ADAMTSL1: variants seen among roughly 807,000 people sequenced by gnomAD.
ADAMTSL1 encodes ADAMTS like 1, also known as ADAMTS-like protein 1.
ADAMTSL1 carries 126 observed loss-of-function variants against 201.8 expected under a neutral mutation model. The observed-to-expected ratio is 0.62, with a 90% CI of 0.54 to 0.72. The LOEUF is 0.72. Ranked by LOEUF, ADAMTSL1 falls within the 30% of genes least tolerant of loss-of-function variation. The pLI, the probability that ADAMTSL1 is intolerant of heterozygous loss-of-function variation, is 0.00. For missense variants in ADAMTSL1, 2,679 were observed against 2,277.8 expected (o/e 1.18, Z -3.59); for synonymous variants, 1,121 against 903.4 (o/e 1.24, Z -4.32).
At chr9:18,899,383 T>C (rs1430657448) in intron 26 of ADAMTSL1, among the ~76,000 whole-genome samples, 2 of 152,214 alleles carry the variant, frequency 1.3e-5, no homozygotes, top group Non-Finnish European at 2.9e-5. Context: ...CAAAGGAGTT[T>C]ATAGATTCAA....
chr9:18,542,707 G>C (rs953902828), intron 3 of ADAMTSL1, among the ~76,000 whole-genome samples: 1 of 152,126 alleles, frequency 6.6e-6, no homozygotes, highest in Non-Finnish European at 1.5e-5. Flanking sequence ...CAGTTGTTTA[G>C]CTCACCCAGT....
intron 10 of ADAMTSL1, among the ~76,000 whole-genome samples, chr9:18,677,944 A>C (rs1830219671): frequency 6.6e-6 from 1 of 152,062 alleles, no homozygotes. Flanking sequence ...TTAAGGCTCA[A>C]AAATGGTTCT....
intron 1 of ADAMTSL1, among the ~76,000 whole-genome samples, chr9:18,025,303 G>C (rs764779411): frequency 2.6e-5 from 4 of 152,032 alleles, no homozygotes; most frequent in Non-Finnish European, 4.4e-5. Flanking sequence ...ATTTGCTTTT[G>C]AGGACTTAGT....
chr9:18,196,998 C>T (rs777950654), intron 2 of ADAMTSL1, among the ~76,000 whole-genome samples: 3 of 152,096 alleles, frequency 2.0e-5, no homozygotes, highest in Non-Finnish European at 4.4e-5. Flanking sequence ...GTCTCATGTT[C>T]GTTTCCTTCA....
At chr9:18,901,216 A>T (rs1182570541) in intron 26 of ADAMTSL1, among the ~76,000 whole-genome samples, 3 of 152,174 alleles carry the variant, frequency 2.0e-5, no homozygotes, top group African/African-American at 7.2e-5. Context: ...ATCTGGCAAA[A>T]CTGTCCTTCA....
chr9:17,988,894 T>C (rs1432935921), intron 1 of ADAMTSL1, among the ~76,000 whole-genome samples: 1 of 151,924 alleles, frequency 6.6e-6, no homozygotes, highest in Non-Finnish European at 1.5e-5. Flanking sequence ...TATTGCCCCC[T>C]AAGGAGCTTA....
At chr9:18,110,928 T>C (rs1824979984) in intron 1 of ADAMTSL1, among the ~76,000 whole-genome samples, 1 of 152,178 alleles carries the variant, frequency 6.6e-6, no homozygotes, top group Non-Finnish European at 1.5e-5. Context: ...TCAACTTTGT[T>C]GAACAAACTT....
chr9:18,107,886 C>G (rs1304199714), intron 1 of ADAMTSL1, among the ~76,000 whole-genome samples: 1 of 152,136 alleles, frequency 6.6e-6, no homozygotes, highest in Admixed American at 6.6e-5. Flanking sequence ...CAGCATTGTT[C>G]TTCAGAGCCA....
intron 1 of ADAMTSL1, among the ~76,000 whole-genome samples, chr9:17,934,867 G>T (rs1454064593): frequency 1.7e-4 from 24 of 140,976 alleles, no homozygotes; most frequent in African/African-American, 6.1e-4. Context: ...TATTCTTCTA[G>T]TAATTCTTCC....
intron 2 of ADAMTSL1, among the ~76,000 whole-genome samples, chr9:18,406,079 A>C (rs1012544907): frequency 3.9e-5 from 6 of 152,214 alleles, no homozygotes; most frequent in African/African-American, 1.4e-4. Flanking sequence ...AGTTGAATGC[A>C]GTCCAGTCGT....
intron 23 of ADAMTSL1, among the ~76,000 whole-genome samples, chr9:18,841,566 A>T (rs1289015338): frequency 2.6e-5 from 4 of 152,154 alleles, no homozygotes; most frequent in Non-Finnish European, 4.4e-5. Flanking sequence ...TGAGTTAGGG[A>T]GGATTTCCTC....
chr9:18,848,669 C>T (rs911506570), intron 23 of ADAMTSL1, among the ~76,000 whole-genome samples: 3 of 152,212 alleles, frequency 2.0e-5, no homozygotes, highest in African/African-American at 7.2e-5. Flanking sequence ...CTGCTGACTT[C>T]CTGAAGCACC....
chr9:18,310,060 A>G (rs747003327), intron 2 of ADAMTSL1, among the ~76,000 whole-genome samples: 19 of 152,238 alleles, frequency 1.2e-4, no homozygotes, highest in Non-Finnish European at 2.5e-4. Context: ...GATCTTTAAC[A>G]AACCTGACAA....
At chr9:18,072,937 A>G (rs1823033203) in intron 1 of ADAMTSL1, among the ~76,000 whole-genome samples, 1 of 152,090 alleles carries the variant, frequency 6.6e-6, no homozygotes, top group Admixed American at 6.6e-5. Flanking sequence ...AGCTTAGGGG[A>G]AGGATTAAGA....
chr9:18,706,399 A>G (rs1028408682), intron 13 of ADAMTSL1, among the ~76,000 whole-genome samples: 3 of 152,138 alleles, frequency 2.0e-5, no homozygotes, highest in African/African-American at 7.2e-5. Flanking sequence ...GGGTCTTATA[A>G]AACAAATTCC....
At chr9:18,070,500 G>C (rs1486713196) in intron 1 of ADAMTSL1, among the ~76,000 whole-genome samples, 2 of 152,212 alleles carry the variant, frequency 1.3e-5, no homozygotes, top group African/African-American at 4.8e-5. Flanking sequence ...GAATGTATGA[G>C]TAAATGAATG....
intron 2 of ADAMTSL1, among the ~76,000 whole-genome samples, chr9:18,384,465 G>A (rs1837701775): frequency 6.6e-6 from 1 of 152,132 alleles, no homozygotes; most frequent in Non-Finnish European, 1.5e-5. Flanking sequence ...TCATGTTGAT[G>A]ATACTTAGCA....
chr9:17,961,541 A>G (rs547524185), intron 1 of ADAMTSL1, among the ~76,000 whole-genome samples: 1 of 152,152 alleles, frequency 6.6e-6, no homozygotes, highest in Non-Finnish European at 1.5e-5. Flanking sequence ...GTGAGCCACC[A>G]CACCAGGCCT....
chr9:18,027,745 T>C (rs991956308), intron 1 of ADAMTSL1, among the ~76,000 whole-genome samples: 2 of 152,066 alleles, frequency 1.3e-5, no homozygotes, highest in African/African-American at 4.8e-5. Flanking sequence ...TGGTCAAGTA[T>C]AGAATTTAAG....
Sources: gnomAD v4.1 joint callset for allele counts (sites outside exome capture counted in the v4.1 genomes callset) on GRCh38, gnomAD v4.1.1 for gene constraint, MANE v1.5 for transcripts, NCBI Gene and HGNC (gene_info 2026-07-23, HGNC 2026-07-21) for gene names.